Variants in TBC1D16 observed in about 807,000 individuals in gnomAD.
TBC1D16 encodes the protein CTD-2529O21.1.
TBC1D16 carries 58 observed loss-of-function variants against 74.7 expected under a neutral mutation model. The ratio of observed to expected loss-of-function variants is 0.78; its 90% CI spans 0.63 to 0.97. TBC1D16 has a LOEUF of 0.97. Ranked by LOEUF, TBC1D16 falls within the 50% of genes least tolerant of loss-of-function variation. TBC1D16 has a pLI of 0.00. For missense variants in TBC1D16, 1,014 were observed against 1,079.5 expected, an observed-to-expected ratio of 0.94 and a Z score of 0.85; for synonymous variants, 493 against 474.7, an observed-to-expected ratio of 1.04 and a Z score of -0.50.
chr17:79,964,882 T>C (rs1471213464), intron 3 of TBC1D16, among the ~76,000 whole-genome samples: 2 of 152,128 alleles, frequency 1.3e-5, no homozygotes, highest in African/African-American at 2.4e-5. Flanking sequence ...AAATATACTA[T>C]CAATACTGTT....
chr17:79,967,776 C>A (rs1224521213), intron 3 of TBC1D16, among the ~76,000 whole-genome samples: 1 of 151,958 alleles, frequency 6.6e-6, no homozygotes, highest in African/African-American at 2.4e-5. Context: ...TACAGAGGAC[C>A]CAGAATAGCC....
Position 79,971,031 on chromosome 17 carries a change from A to AT in TBC1D16, c.780-18214dup, listed in dbSNP as rs142776613. Among the ~76,000 whole-genome samples the AT allele has an allele frequency of 2.3e-3, 256 of 111,152 alleles. No individual in the cohort carries two copies. Among genetic ancestry groups the AT allele is most frequent in the South Asian group, 0.021 (59 of 2,782 alleles). The allele number at this position is 111,152 out of a possible 152,430, so 72.9% of individuals were successfully genotyped here. A position where few individuals can be genotyped will look rare whatever the true frequency, so the allele number is the denominator to read the frequency against. Reference sequence around the variant, plus strand: ...TACACTCCCTGTATTTTTATTTTTTATTTTTTTTTGAGATGGAGTCTGTCT... The same window carrying AT: ...TACACTCCCTGTATTTTTATTTTTTATTTTTTTTTTGAGATGGAGTCTGTCT... On this transcript the variant is annotated intron_variant, in intron 3 of 11. Coordinates refer to ENST00000310924, the MANE Select transcript of TBC1D16 (RefSeq NM_019020.4). The surrounding 1 kb of genome is among the most constrained non-coding windows in gnomAD (Gnocchi z 4.6).
At chr17:79,996,300 G>A (rs924291091) in intron 3 of TBC1D16, among the ~76,000 whole-genome samples, 1 of 152,070 alleles carries the variant, frequency 6.6e-6, no homozygotes, top group Non-Finnish European at 1.5e-5. Flanking sequence ...ATATTATTAA[G>A]ATATAAGAAG....
rs994889916 is a variant in TBC1D16, at chr17:80,025,283, A to G, written c.-63+10512T>C. Among the ~76,000 whole-genome samples the G allele has an allele frequency of 1.3e-4, 19 of 149,976 alleles. 1 individual carries two copies. Among genetic ancestry groups the G allele is most frequent in the Non-Finnish European group, 1.8e-4 (12 of 68,036 alleles). ...CCGACAGCGCCAGTGTTGACACGCCAGAGGCTGCCTGGGCCCCACTCCTTC... is the reference window on the plus strand; with the variant it reads ...CCGACAGCGCCAGTGTTGACACGCCGGAGGCTGCCTGGGCCCCACTCCTTC... On this transcript the variant is annotated intron_variant, in intron 1 of 11. Transcript: ENST00000310924.
chr17:79,932,467 G>A lies in TBC1D16; in HGVS notation c.*8392C>T, dbSNP rs1384124677. 1 of 152,276 alleles carries A rather than the reference G, an allele frequency of 6.6e-6. No homozygotes were observed. Among genetic ancestry groups the A allele is most frequent in the Non-Finnish European group, 1.5e-5 (1 of 68,072 alleles). 9.4% of individuals were successfully genotyped at this position (152,276 alleles called of 1,614,324 possible). ...CCCGGTCCCCTGTAGCTAGTGTCCA[G>A]ACACTGGTCACAGACCTCCACTGAG... On this transcript the variant is annotated 3_prime_UTR_variant, in exon 12 of 12. Coordinates refer to ENST00000310924, the MANE Select transcript of TBC1D16 (RefSeq NM_019020.4).
Position 80,010,497 on chromosome 17 carries a change from C to T in TBC1D16, c.442G>A (p.Val148Ile), listed in dbSNP as rs551167898. 8.3e-5 allele frequency: 134 copies of T among 1,610,858 alleles called. No individual in the cohort carries two copies. In the South Asian group the frequency reaches 1.4e-3, roughly 17 times the overall value. ...DEDILVVAQS[V>I]PDRMLASPAP... is the part of the protein sequence containing the mutation. Reference sequence around the variant, plus strand: ...GGGCTGGCGAGCATGCGGTCTGGAACACTCTGGGCCACCACCAGGATGTCC... The same window carrying T: ...GGGCTGGCGAGCATGCGGTCTGGAATACTCTGGGCCACCACCAGGATGTCC... The change falls in exon 3 of 12, where the codon GTT becomes ATT. Residue 148 changes from valine to isoleucine, a missense_variant. Transcript: ENST00000310924. The surrounding 1 kb of genome is among the most constrained non-coding windows in gnomAD (Gnocchi z 8.8).
chr17:79,968,582 G>A (rs926552814), intron 3 of TBC1D16, among the ~76,000 whole-genome samples: 4 of 152,096 alleles, frequency 2.6e-5, no homozygotes, highest in South Asian at 2.1e-4. Context: ...GGCCGGGCAC[G>A]GTGGCTCACG....
chr17:80,015,966 A>G (rs563117859), intron 1 of TBC1D16, among the ~76,000 whole-genome samples: 11 of 146,644 alleles, frequency 7.5e-5, no homozygotes, highest in African/African-American at 1.5e-4. Flanking sequence ...AGCCGAGATC[A>G]CGCCACTGCA....
At position 80,015,839 on chromosome 17, in the gene TBC1D16, C is replaced by T. The variant is rs999260347; in HGVS notation, c.-62-2230G>A. Among the ~76,000 whole-genome samples the T allele has an allele frequency of 3.3e-5, 5 of 151,870 alleles. No individual in the cohort carries two copies. The South Asian group carries it at 8.3e-4, about 25-fold the overall frequency. On this transcript the variant is annotated intron_variant, in intron 1 of 11. Transcript: ENST00000310924. ...CAGCCTGGTCAACATAGCAAAACCC[C>T]GCCTCTACTAAAAATACAAAAATTA...
In TBC1D16 at chr17:80,010,779, G is replaced by A. The variant is rs1046706702; in HGVS notation, c.182-22C>T. On this transcript the variant is annotated intron_variant, in intron 2 of 11. Transcript: ENST00000310924. The surrounding 1 kb of genome is among the most constrained non-coding windows in gnomAD (Gnocchi z 8.8). ...TAACCTGTGAGGAGCCAGGGGGATGGCACGTTAGAGGCCAGGAGGCTGTGG... is the reference window on the plus strand; with the variant it reads ...TAACCTGTGAGGAGCCAGGGGGATGACACGTTAGAGGCCAGGAGGCTGTGG... The A allele has an allele frequency of 2.7e-6, 4 of 1,459,100 alleles. No individual in the cohort carries two copies. The highest frequency in any genetic ancestry group is 2.8e-5 in the African/African-American group (2 of 70,944). 90.4% of individuals were successfully genotyped at this position (1,459,100 alleles called of 1,614,324 possible).
intron 1 of TBC1D16, among the ~76,000 whole-genome samples, chr17:80,016,938 G>A (rs868658956): frequency 2.0e-5 from 3 of 152,058 alleles, no homozygotes; most frequent in African/African-American, 7.2e-5. Context: ...CAGAGATCCC[G>A]ACGTCAACAT....
chr17:80,013,025 G>A (rs1162848043), intron 2 of TBC1D16, among the ~76,000 whole-genome samples: 1 of 152,246 alleles, frequency 6.6e-6, no homozygotes, highest in Non-Finnish European at 1.5e-5. Flanking sequence ...CCATGAGGTT[G>A]TTGTGCAAAT....
intron 1 of TBC1D16, among the ~76,000 whole-genome samples, chr17:80,020,004 T>C (rs1291909372): frequency 6.7e-6 from 1 of 149,872 alleles, no homozygotes; most frequent in Non-Finnish European, 1.5e-5. Flanking sequence ...CAAGTTACCT[T>C]GAGGTCAATA....
chr17:80,027,632 C>G (rs1383043874), intron 1 of TBC1D16, among the ~76,000 whole-genome samples: 1 of 151,540 alleles, frequency 6.6e-6, no homozygotes. Context: ...GTAGCTCATG[C>G]CTGTAATCCC....
rs2031851880 is a variant in TBC1D16, at chr17:79,940,024, AG to A, written c.*834del. 1 of 152,172 alleles carries A rather than the reference AG, an allele frequency of 6.6e-6. No individual in the cohort carries two copies. 9.4% of individuals were successfully genotyped at this position (152,172 alleles called of 1,614,324 possible). ...ACACACGCACACATCGACCCATTCA[AG>A]CCCCAGCTGGTTGCTGTATTTGGTG... On this transcript the variant is annotated 3_prime_UTR_variant, in exon 12 of 12. Coordinates refer to ENST00000310924, the MANE Select transcript of TBC1D16 (RefSeq NM_019020.4). This position sits in a 1 kb window ranked among gnomAD's most constrained non-coding sequence, Gnocchi z 5.4.
At chr17:80,018,178 C>CAAAAAA (rs535459874) in intron 1 of TBC1D16, among the ~76,000 whole-genome samples, 7 of 86,128 alleles carry the variant, frequency 8.1e-5, no homozygotes, top group African/African-American at 2.7e-4. Flanking sequence ...TTCTGGTAAG[C>CAAAAAA]AAAAAAAAAA....
intron 3 of TBC1D16, among the ~76,000 whole-genome samples, chr17:79,972,695 G>C (rs2034163766): frequency 6.6e-6 from 1 of 152,170 alleles, no homozygotes. Flanking sequence ...CAGAGTTTCG[G>C]TTGGGAAGAT....
rs1458932475 is a variant in TBC1D16, at chr17:79,971,089, C to T, written c.780-18271G>A. Reference sequence around the variant, plus strand: ...CCAGGCTGGAGTGCAGTGGCGCTATCTCGGCTCACTGCAACCTCCACCTCT... The same window carrying T: ...CCAGGCTGGAGTGCAGTGGCGCTATTTCGGCTCACTGCAACCTCCACCTCT... On this transcript the variant is annotated intron_variant, in intron 3 of 11. Coordinates refer to ENST00000310924, the MANE Select transcript of TBC1D16 (RefSeq NM_019020.4). This position sits in a 1 kb window ranked among gnomAD's most constrained non-coding sequence, Gnocchi z 4.6. 6.6e-6 allele frequency among the ~76,000 whole-genome samples: 1 copy of T among 151,788 alleles called. No individual in the cohort carries two copies. Among genetic ancestry groups the T allele is most frequent in the East Asian group, 1.9e-4 (1 of 5,172 alleles).
intron 3 of TBC1D16, among the ~76,000 whole-genome samples, chr17:80,005,571 G>A (rs1598415139): frequency 6.6e-6 from 1 of 152,206 alleles, no homozygotes. Flanking sequence ...GGGAAGCTCA[G>A]GGTCTTGGGG....
Sources: allele counts gnomAD v4.1 joint callset (sites outside exome capture counted in the v4.1 genomes callset), GRCh38; gene constraint gnomAD v4.1.1; non-coding constraint Gnocchi (gnomAD v3.1); transcripts MANE v1.5; gene names NCBI Gene and HGNC (gene_info 2026-07-23, HGNC 2026-07-21).